Variants in SPATA6 observed in about 807,000 individuals in gnomAD.
SPATA6 encodes spermatogenesis-associated protein 6.
A neutral mutation model predicts 65.3 loss-of-function variants in SPATA6; 56 were observed. That is an observed-to-expected ratio of 0.86 (90% CI 0.69 to 1.07). The LOEUF (loss-of-function observed/expected upper bound fraction) is 1.07. Among genes scored for constraint, SPATA6 ranks in the 50% least tolerant of loss-of-function variants. The pLI, the probability that SPATA6 is intolerant of heterozygous loss-of-function variation, is 0.00. For synonymous variants in SPATA6, 199 were observed against 213.2 expected (o/e 0.93, Z 0.58); for missense variants, 590 against 594.8 (o/e 0.99, Z 0.08).
chr1:48,381,648 C>CT (rs36045284), intron 9 of SPATA6, among the ~76,000 whole-genome samples: 29,731 of 112,252 alleles, frequency 0.26, 3,335 homozygotes, highest in Non-Finnish European at 0.3. Flanking sequence ...TATGGTTTTT[C>CT]TTTTTTTTTT....
chr1:48,438,023 C>T lies in SPATA6; in HGVS notation c.238+13529G>A, dbSNP rs559085645. ...AATGGACCAATCAGAAGGATGTGGGCGGGGACAAATAAAGGAACAAAAGGT... is the reference window on the plus strand; with the variant it reads ...AATGGACCAATCAGAAGGATGTGGGTGGGGACAAATAAAGGAACAAAAGGT... On this transcript the variant is annotated intron_variant, in intron 3 of 12. Transcript: ENST00000371847. 1.3e-4 allele frequency among the ~76,000 whole-genome samples: 20 copies of T among 152,034 alleles called. No homozygotes were observed. In the South Asian group the frequency reaches 2.5e-3, roughly 19 times the overall value.
At chr1:48,395,531 G>C (rs1650508718) in intron 7 of SPATA6, among the ~76,000 whole-genome samples, 177 bp from the exon 8 acceptor site, 1 of 151,876 alleles carries the variant, frequency 6.6e-6, no homozygotes, top group East Asian at 1.9e-4. Context: ...GTTGTTCGTT[G>C]CAAAATAAAA....
intron 9 of SPATA6, among the ~76,000 whole-genome samples, chr1:48,368,744 C>T (rs1412680213): frequency 6.6e-6 from 1 of 152,166 alleles, no homozygotes; most frequent in Non-Finnish European, 1.5e-5. Context: ...GTTTGAATTT[C>T]CTCCTGTAGC....
the SPATA6 span, among the ~76,000 whole-genome samples, chr1:48,287,996 A>C: frequency 6.6e-6 from 1 of 152,184 alleles, no homozygotes; most frequent in Non-Finnish European, 1.5e-5. Flanking sequence ...TATTTTGTTT[A>C]AAGTTTTTAT....
chr1:48,472,161 C>T lies in SPATA6; in HGVS notation c.-153G>A. 1.7e-6 allele frequency: 1 copy of T among 584,188 alleles called. No homozygotes were observed. Among genetic ancestry groups the T allele is most frequent in the Non-Finnish European group, 2.8e-6 (1 of 351,486 alleles). 36.2% of individuals were successfully genotyped at this position (584,188 alleles called of 1,614,324 possible). On this transcript the variant is annotated 5_prime_UTR_variant, in exon 1 of 13. Transcript: ENST00000371847. ...CGGGGCCCGCGGTCCAGCCTGGGTTCCGCCGGAGAAGCAGCTGAGCGCGGG... is the reference window on the plus strand; with the variant it reads ...CGGGGCCCGCGGTCCAGCCTGGGTTTCGCCGGAGAAGCAGCTGAGCGCGGG...
At chr1:48,466,028 A>T (rs1206664937) in intron 1 of SPATA6, among the ~76,000 whole-genome samples, 4 of 152,128 alleles carry the variant, frequency 2.6e-5, no homozygotes, top group Non-Finnish European at 5.9e-5. Flanking sequence ...TTAATACCAC[A>T]GGACTCCCCA....
intron 3 of SPATA6, among the ~76,000 whole-genome samples, chr1:48,439,303 C>T (rs1400246518): frequency 2.0e-5 from 3 of 152,178 alleles, no homozygotes; most frequent in African/African-American, 7.2e-5. Flanking sequence ...TCCTTGTGGT[C>T]TAAGGAGGAA....
chr1:48,397,291 C>T lies in SPATA6; in HGVS notation c.781-1937G>A, dbSNP rs548004690. On this transcript the variant is annotated intron_variant, in intron 7 of 12. Transcript: ENST00000371847. ...TCTGGAACCAGATAGCTGCATAACA[C>T]TGTGAACATCCTTAAAACAACTGAA... Among the ~76,000 whole-genome samples the T allele has an allele frequency of 1.3e-4, 20 of 151,828 alleles. No homozygotes were observed. In the South Asian group the frequency reaches 3.5e-3, roughly 27 times the overall value.
At chr1:48,319,722 T>C (rs1024062232) in intron 11 of SPATA6, among the ~76,000 whole-genome samples, 14 of 152,136 alleles carry the variant, frequency 9.2e-5, no homozygotes, top group African/African-American at 3.4e-4. Context: ...CCTGCACCCC[T>C]GCTCCAACAC....
At position 48,305,875 on chromosome 1, in the gene SPATA6, C is replaced by T; in HGVS notation, c.1198G>A (p.Glu400Lys). Residue 400 changes from glutamate (E) to lysine (K), a missense_variant, in exon 12 of 13, where the codon GAG becomes AAG. Coordinates refer to ENST00000371847, the MANE Select transcript of SPATA6 (RefSeq NM_019073.4). ...TCATCATCTTTCTCTAGGTCTCTCT[C>T]ATCCTGAAAAATTTTAAAGATTTCC... ...HQAHQRHLYD[E>K]RDLEKDDELE... 1 of 1,610,580 alleles carries T rather than the reference C, an allele frequency of 6.2e-7. No individual in the cohort carries two copies. The highest frequency in any genetic ancestry group is 8.5e-7 in the Non-Finnish European group (1 of 1,178,140).
At chr1:48,266,346 T>G in the SPATA6 span, among the ~76,000 whole-genome samples, 7 of 152,124 alleles carry the variant, frequency 4.6e-5, no homozygotes, top group Non-Finnish European at 1.0e-4. Context: ...ATACTAACAT[T>G]TGAATGTAAG....
At chr1:48,313,935 A>G (rs933968484) in intron 11 of SPATA6, among the ~76,000 whole-genome samples, 1 of 152,220 alleles carries the variant, frequency 6.6e-6, no homozygotes, top group African/African-American at 2.4e-5. Flanking sequence ...AGATAAAAAG[A>G]GACAAAGAAG....
In SPATA6 at chr1:48,457,569, C is replaced by A. The variant is rs576672866; in HGVS notation, c.52-4438G>T. Among the ~76,000 whole-genome samples the A allele has an allele frequency of 2.2e-4, 34 of 152,272 alleles. 1 individual carries two copies. In the South Asian group the frequency reaches 7.0e-3, roughly 32 times the overall value. On this transcript the variant is annotated intron_variant, in intron 1 of 12. Transcript: ENST00000371847. ...TTAACGGCTGATTTCTCATCAGAAACATGAAGCCAGTAGGCAGAGTGATAA... is the reference window on the plus strand; with the variant it reads ...TTAACGGCTGATTTCTCATCAGAAAAATGAAGCCAGTAGGCAGAGTGATAA...
chr1:48,380,709 T>C (rs1321331825), intron 9 of SPATA6, among the ~76,000 whole-genome samples: 1 of 152,230 alleles, frequency 6.6e-6, no homozygotes, highest in Non-Finnish European at 1.5e-5. Flanking sequence ...CAATAGGTCC[T>C]TGCCATACTG....
At chr1:48,294,047 C>T (rs184670851), downstream of SPATA6, among the ~76,000 whole-genome samples, 6 of 152,298 alleles carry the variant, frequency 3.9e-5, no homozygotes, top group Non-Finnish European at 5.9e-5. Flanking sequence ...CTCTTCGTTT[C>T]GTACATTGAA....
chr1:48,355,535 C>T, intron 11 of SPATA6, 135 bp downstream of exon 11: 1 of 611,100 alleles, frequency 1.6e-6, no homozygotes, highest in Non-Finnish European at 2.8e-6. Flanking sequence ...GGCAAAACCA[C>T]TGACTTCCAT....
At chr1:48,374,857 C>T (rs547492138) in intron 9 of SPATA6, among the ~76,000 whole-genome samples, 2 of 152,276 alleles carry the variant, frequency 1.3e-5, no homozygotes, top group East Asian at 3.9e-4. Context: ...AAGCCTAGTT[C>T]CCAAAACCAT....
At chr1:48,459,034 T>A (rs767581585) in intron 1 of SPATA6, among the ~76,000 whole-genome samples, 1 of 151,722 alleles carries the variant, frequency 6.6e-6, no homozygotes, top group Non-Finnish European at 1.5e-5. Context: ...TGAAAACCCA[T>A]CTCTACTAAA....
intron 9 of SPATA6, among the ~76,000 whole-genome samples, chr1:48,377,787 A>C (rs1648092596): frequency 6.6e-6 from 1 of 152,226 alleles, no homozygotes; most frequent in African/African-American, 2.4e-5. Flanking sequence ...TTATAGGTGT[A>C]ATAGAAATTG....
Sources: gnomAD v4.1 joint callset for allele counts (sites outside exome capture counted in the v4.1 genomes callset) on GRCh38, gnomAD v4.1.1 for gene constraint, MANE v1.5 for transcripts, NCBI Gene and HGNC (gene_info 2026-07-23, HGNC 2026-07-21) for gene names.